Variants in FARP1 observed in about 807,000 individuals in gnomAD.
The protein encoded by FARP1 is FERM, ARH/RhoGEF and pleckstrin domain protein 1.
Under a neutral mutation model 128.8 loss-of-function variants are expected in FARP1, and 52 were observed. That is an observed-to-expected ratio of 0.40 (90% confidence interval 0.32 to 0.51). The LOEUF (loss-of-function observed/expected upper bound fraction) is 0.51. Among genes scored for constraint, FARP1 ranks in the 20% least tolerant of loss-of-function variants. The probability of loss-of-function intolerance (pLI) is 0.45; values close to 1 mark genes in which losing one functional copy is unlikely to be tolerated. For missense variants in FARP1, 1,333 were observed against 1,367.9 expected (o/e 0.97, Z 0.40); for synonymous variants, 580 against 551.8 (o/e 1.05, Z -0.72).
chr13:98,452,979 C>A lies in FARP1; in HGVS notation c.*4662C>A. Reference sequence around the variant, plus strand: ...CGCTGGAAGGAGCTGACCCTCCCCACCCATCTGAGAGACTTCATCTGGCTG... The same window carrying A: ...CGCTGGAAGGAGCTGACCCTCCCCAACCATCTGAGAGACTTCATCTGGCTG... On this transcript the variant is annotated 3_prime_UTR_variant, in exon 27 of 27. Coordinates refer to ENST00000319562, the MANE Select transcript of FARP1 (RefSeq NM_005766.4). 2.0e-6 allele frequency: 1 copy of A among 511,670 alleles called. No individual in the cohort carries two copies. Among genetic ancestry groups the A allele is most frequent in the Non-Finnish European group, 3.4e-6 (1 of 291,570 alleles). The allele number at this position is 511,670 out of a possible 1,614,324, so 31.7% of individuals were successfully genotyped here. A position where few individuals can be genotyped will look rare whatever the true frequency, so the allele number is the denominator to read the frequency against.
intron 1 of FARP1, among the ~76,000 whole-genome samples, chr13:98,195,365 T>C (rs1219598656): frequency 6.6e-6 from 1 of 152,194 alleles, no homozygotes. Flanking sequence ...GGAATATATG[T>C]ATTCCCCCGG....
chr13:98,366,635 G>T (rs1889097612), intron 4 of FARP1, among the ~76,000 whole-genome samples: 1 of 152,236 alleles, frequency 6.6e-6, no homozygotes, highest in African/African-American at 2.4e-5. Context: ...GCTGTGACAG[G>T]CCATGTGTGA....
chr13:98,181,627 T>TGAGAGAGAG lies in FARP1; in HGVS notation c.-23-31593_-23-31592insGAGAGAGAG, dbSNP rs1410176235. Among the ~76,000 whole-genome samples the TGAGAGAGAG allele has an allele frequency of 9.1e-4, 95 of 104,224 alleles. No individual in the cohort carries two copies. The South Asian group carries it at 9.9e-3, about 11-fold the overall frequency. 68.4% of individuals were successfully genotyped at this position (104,224 alleles called of 152,430 possible). A position where few individuals can be genotyped will look rare whatever the true frequency, so the allele number is the denominator to read the frequency against. On this transcript the variant is annotated intron_variant, in intron 1 of 26. Coordinates refer to ENST00000319562, the MANE Select transcript of FARP1 (RefSeq NM_005766.4). ...TTATTTATTTATTTATTTATTTATT[T>TGAGAGAGAG]ATTTATTTATTTATTTGAGAGAGAG...
chr13:98,305,650 G>A (rs1886115727), intron 2 of FARP1, among the ~76,000 whole-genome samples: 1 of 152,094 alleles, frequency 6.6e-6, no homozygotes, highest in Admixed American at 6.5e-5. Context: ...TTTCCTTAAT[G>A]TGAAAAGCTT....
chr13:98,384,458 G>T (rs1594472559), intron 6 of FARP1: 1 of 448,666 alleles, frequency 2.2e-6, no homozygotes, highest in African/African-American at 1.9e-5. Flanking sequence ...CTCCCAAAGT[G>T]CTGAGATTAC....
rs750870172 is a variant in FARP1, at chr13:98,287,087, T to C, written c.172-56675T>C. On this transcript the variant is annotated intron_variant, in intron 2 of 26. Coordinates refer to ENST00000319562, the MANE Select transcript of FARP1 (RefSeq NM_005766.4). The stretch of plus-strand genomic sequence containing the variant: ...AAACCAGTTTCTGCTATAGTCACTG[T>C]GCTTTGCACTACAGATACAAAATGT... Among the ~76,000 whole-genome samples the C allele has an allele frequency of 8.6e-4, 131 of 152,226 alleles. 1 individual carries two copies. The highest frequency in any genetic ancestry group is 6.3e-3 in the Middle Eastern group (2 of 316).
chr13:98,391,579 G>A (rs1890307189), intron 11 of FARP1, among the ~76,000 whole-genome samples: 3 of 152,306 alleles, frequency 2.0e-5, no homozygotes, highest in South Asian at 4.1e-4. Context: ...CCAGAAACAG[G>A]ATTTATTATT....
chr13:98,177,223 G>C lies in FARP1; in HGVS notation c.-24+33731G>C, dbSNP rs777383980. ...TTGGTCGGCCGTCCTTCCTGGAGAA[G>C]GTGGCGCTGCCATGTTTGAGTCTCA... On this transcript the variant is annotated intron_variant, in intron 1 of 26. Coordinates refer to ENST00000319562, the MANE Select transcript of FARP1 (RefSeq NM_005766.4). 1.3e-5 allele frequency: 20 copies of C among 1,559,206 alleles called. No homozygotes were observed. Among genetic ancestry groups the C allele is most frequent in the Middle Eastern group, 4.6e-4 (2 of 4,318 alleles).
chr13:98,389,736 C>T (rs562567778), intron 9 of FARP1: 28 of 424,538 alleles, frequency 6.6e-5, no homozygotes, highest in African/African-American at 5.2e-4. Flanking sequence ...TTCTGTTACC[C>T]GTCTAAGAGA....
intron 2 of FARP1, among the ~76,000 whole-genome samples, chr13:98,308,019 C>T (rs1448114926): frequency 5.2e-5 from 7 of 135,692 alleles, no homozygotes; most frequent in African/African-American, 1.9e-4. Flanking sequence ...CCTCCGCCCG[C>T]CCCCACTCTC....
intron 16 of FARP1, among the ~76,000 whole-genome samples, chr13:98,414,665 T>C (rs9556950): frequency 0.064 from 9,668 of 152,190 alleles, 731 homozygotes; most frequent in East Asian, 0.31. Flanking sequence ...CCCAGGTGAT[T>C]CCAAAGTGTA....
chr13:98,433,194 T>C (rs1002118308), intron 18 of FARP1: 8 of 152,070 alleles, frequency 5.3e-5, no homozygotes, highest in Non-Finnish European at 1.2e-4. Context: ...CGCAAAGCCG[T>C]AACCTAAGAG....
In FARP1 at chr13:98,446,788, C is replaced by A; in HGVS notation, c.3027C>A (p.Phe1009Leu). 6.2e-7 allele frequency: 1 copy of A among 1,614,206 alleles called. No homozygotes were observed. Among genetic ancestry groups the A allele is most frequent in the East Asian group, 2.2e-5 (1 of 44,868 alleles). Residue 1009 changes from phenylalanine to leucine, a missense_variant, in exon 26 of 27, where the codon TTC becomes TTA. Phe to Leu is a conservative substitution (Grantham distance 22). This residue lies in a region of FARP1 where 1,009 missense variants were observed against 969.8 expected (regional missense o/e 1.04). Coordinates refer to ENST00000319562, the MANE Select transcript of FARP1 (RefSeq NM_005766.4). ...ACTTCAAGTCCCACGTCTACTACTT[C>A]AGGGCGGAAAGCGAGTACACGTTCG... The part of the protein sequence containing the change: ...KLHFKSHVYY[F>L]RAESEYTFER...
chr13:98,447,037 G>A (rs933257706), intron 26 of FARP1: 1 of 530,322 alleles, frequency 1.9e-6, no homozygotes, highest in Middle Eastern at 5.0e-4. Context: ...CACGGTGTTG[G>A]CTGAGGCCCT....
Position 98,452,904 on chromosome 13 carries a change from G to A in FARP1, c.*4587G>A, listed in dbSNP as rs1893263710. ...TTAAAGACACTTTCCTGGAATATGTGCACTATGGTTAAAATTAAAAACAAA... is the reference window on the plus strand; with the variant it reads ...TTAAAGACACTTTCCTGGAATATGTACACTATGGTTAAAATTAAAAACAAA... On this transcript the variant is annotated 3_prime_UTR_variant, in exon 27 of 27. Coordinates refer to ENST00000319562, the MANE Select transcript of FARP1 (RefSeq NM_005766.4). The A allele has an allele frequency of 2.6e-6, 1 of 382,780 alleles. No individual in the cohort carries two copies. Among genetic ancestry groups the A allele is most frequent in the Non-Finnish European group, 4.7e-6 (1 of 214,962 alleles). 23.7% of individuals were successfully genotyped at this position (382,780 alleles called of 1,614,324 possible).
intron 2 of FARP1, among the ~76,000 whole-genome samples, chr13:98,339,973 C>G (rs1052150335): frequency 6.6e-6 from 1 of 152,154 alleles, no homozygotes. Context: ...TCACAGAAAC[C>G]GCTGCTGACT....
chr13:98,209,389 G>A (rs1009163685), intron 1 of FARP1, among the ~76,000 whole-genome samples: 1 of 151,850 alleles, frequency 6.6e-6, no homozygotes, highest in South Asian at 2.1e-4. Flanking sequence ...TGAGCCACGT[G>A]TGGAGACCTG....
chr13:98,259,189 C>T (rs916484871), intron 2 of FARP1, among the ~76,000 whole-genome samples: 5 of 152,010 alleles, frequency 3.3e-5, no homozygotes, highest in Admixed American at 6.6e-5. Context: ...CCACTGTCAC[C>T]CCTGGGCAAC....
chr13:98,210,000 C>A (rs1566744251), intron 1 of FARP1, among the ~76,000 whole-genome samples: 2 of 149,520 alleles, frequency 1.3e-5, no homozygotes, highest in East Asian at 3.9e-4. Context: ...TAATAATAAT[C>A]ATAATAATAA....
Sources: allele counts gnomAD v4.1 joint callset (sites outside exome capture counted in the v4.1 genomes callset), GRCh38; gene constraint gnomAD v4.1.1; regional missense constraint gnomAD v4.1.1; transcripts MANE v1.5; gene names NCBI Gene and HGNC (gene_info 2026-07-23, HGNC 2026-07-21).